The following GALNT13 variants were observed in gnomAD, a reference collection of about 807,000 sequenced individuals.
GALNT13 encodes polypeptide N-acetylgalactosaminyltransferase 13.
In GALNT13, 28 loss-of-function variants were observed where a neutral mutation model predicts 64.2. That is an observed-to-expected ratio of 0.44 (90% CI 0.32 to 0.60). GALNT13 has a LOEUF of 0.60. Among genes scored for constraint, GALNT13 ranks in the 20% least tolerant of loss-of-function variants. The pLI is 0.05. For missense variants in GALNT13, 577 were observed against 669.8 expected (o/e 0.86, Z 1.53); for synonymous variants, 214 against 224.6 (o/e 0.95, Z 0.42).
At chr2:153,104,127 G>A in the GALNT13 span, among the ~76,000 whole-genome samples, 16 of 152,008 alleles carry the variant, frequency 1.1e-4, no homozygotes, top group East Asian at 3.9e-4. Flanking sequence ...TTAATTTTGC[G>A]TTTAGGCTCT....
chr2:154,213,988 T>C (rs1687914080), intron 4 of GALNT13, among the ~76,000 whole-genome samples: 1 of 152,162 alleles, frequency 6.6e-6, no homozygotes. Context: ...AATTTTGACA[T>C]CAACTTTTCC....
intron 4 of GALNT13, among the ~76,000 whole-genome samples, chr2:154,181,166 A>G (rs1685937999): frequency 6.6e-6 from 1 of 152,168 alleles, no homozygotes; most frequent in East Asian, 1.9e-4. Flanking sequence ...GAATTTAATC[A>G]ATACTTTATT....
chr2:153,252,227 G>A, the GALNT13 span, among the ~76,000 whole-genome samples: 5 of 144,120 alleles, frequency 3.5e-5, no homozygotes, highest in Admixed American at 6.9e-5. Context: ...ACCAGTGATG[G>A]TGAGCATTTT....
chr2:153,466,098 TG>T, the GALNT13 span, among the ~76,000 whole-genome samples: 317 of 152,226 alleles, frequency 2.1e-3, 1 homozygote, highest in African/African-American at 7.5e-3. Context: ...ATCTAATTTT[TG>T]TATCTCTGTT....
At chr2:153,206,881 T>G in the GALNT13 span, among the ~76,000 whole-genome samples, 1 of 152,088 alleles carries the variant, frequency 6.6e-6, no homozygotes. Flanking sequence ...ACCCCCATTT[T>G]ACTCATCGCC....
intron 2 of GALNT13, among the ~76,000 whole-genome samples, chr2:153,931,506 A>G (rs1308560022): frequency 6.6e-6 from 1 of 151,910 alleles, no homozygotes; most frequent in Non-Finnish European, 1.5e-5. Flanking sequence ...GGTGGCTCTT[A>G]TTTTAAGATA....
At chr2:153,860,619 C>T in the GALNT13 span, among the ~76,000 whole-genome samples, 1 of 152,130 alleles carries the variant, frequency 6.6e-6, no homozygotes, top group Non-Finnish European at 1.5e-5. Context: ...CCAGTCTTCT[C>T]CACAGAGAGA....
At chr2:153,646,162 G>C in the GALNT13 span, among the ~76,000 whole-genome samples, 3 of 151,910 alleles carry the variant, frequency 2.0e-5, no homozygotes, top group Admixed American at 1.3e-4. Context: ...TTCTTCCTCT[G>C]TACCTTGCTA....
chr2:153,656,049 G>A, the GALNT13 span, among the ~76,000 whole-genome samples: 1 of 152,030 alleles, frequency 6.6e-6, no homozygotes, highest in African/African-American at 2.4e-5. Context: ...ACTGTGAATG[G>A]TATGTCTCCG....
chr2:153,737,483 A>T, the GALNT13 span, among the ~76,000 whole-genome samples: 2 of 151,838 alleles, frequency 1.3e-5, no homozygotes, highest in Admixed American at 6.6e-5. Context: ...TTTTATTTTC[A>T]TTGTGTAACA....
intron 3 of GALNT13, among the ~76,000 whole-genome samples, chr2:153,958,506 A>G (rs966200115): frequency 6.6e-6 from 1 of 152,206 alleles, no homozygotes; most frequent in African/African-American, 2.4e-5. Context: ...TTATTGCCAT[A>G]CTAAATGAGT....
chr2:153,737,188 G>C, the GALNT13 span, among the ~76,000 whole-genome samples: 4 of 152,174 alleles, frequency 2.6e-5, no homozygotes, highest in Non-Finnish European at 5.9e-5. Flanking sequence ...AGGCAGAAAG[G>C]GAGAAAGGGT....
chr2:153,578,751 T>C, the GALNT13 span, among the ~76,000 whole-genome samples: 1 of 152,186 alleles, frequency 6.6e-6, no homozygotes, highest in Admixed American at 6.5e-5. Context: ...GAATGTTCTG[T>C]GGTCTGTAGC....
intron 4 of GALNT13, among the ~76,000 whole-genome samples, chr2:154,150,256 C>A (rs959334597): frequency 1.3e-5 from 2 of 152,136 alleles, no homozygotes; most frequent in African/African-American, 4.8e-5. Flanking sequence ...ATTGAACCAG[C>A]CTTGCATCCC....
the GALNT13 span, among the ~76,000 whole-genome samples, chr2:153,449,444 T>G: frequency 6.6e-6 from 1 of 152,052 alleles, no homozygotes; most frequent in Non-Finnish European, 1.5e-5. Context: ...AGATGTTTTT[T>G]CCCCCATGCC....
intron 9 of GALNT13, among the ~76,000 whole-genome samples, chr2:154,324,425 G>A (rs1694779003): frequency 6.6e-6 from 1 of 151,920 alleles, no homozygotes; most frequent in African/African-American, 2.4e-5. Context: ...TACAACATGT[G>A]ATGATTTCGT....
intron 8 of GALNT13, among the ~76,000 whole-genome samples, chr2:154,285,426 C>A (rs1450619888): frequency 6.6e-6 from 1 of 151,990 alleles, no homozygotes; most frequent in Non-Finnish European, 1.5e-5. Context: ...CAGTTTTATT[C>A]TTTTGCATGT....
At chr2:154,167,431 G>A (rs1451883506) in intron 4 of GALNT13, among the ~76,000 whole-genome samples, 1 of 152,138 alleles carries the variant, frequency 6.6e-6, no homozygotes, top group Non-Finnish European at 1.5e-5. Context: ...TGTTGATTAA[G>A]CAACTTTCAG....
chr2:153,114,412 T>C, the GALNT13 span, among the ~76,000 whole-genome samples: 1 of 152,168 alleles, frequency 6.6e-6, no homozygotes, highest in African/African-American at 2.4e-5. Context: ...ATTCTATTTG[T>C]TGTCAGCAGT....
Sources: gnomAD v4.1 joint callset for allele counts (sites outside exome capture counted in the v4.1 genomes callset) on GRCh38, gnomAD v4.1.1 for gene constraint, MANE v1.5 for transcripts, NCBI Gene and HGNC (gene_info 2026-07-23, HGNC 2026-07-21) for gene names.